Variants in HIVEP3 observed in about 807,000 individuals in gnomAD.
HIVEP3 encodes transcription factor HIVEP3.
In HIVEP3, 49 loss-of-function variants were observed where a neutral mutation model predicts 152.8. That is an observed-to-expected ratio of 0.32 (90% CI 0.26 to 0.41). The LOEUF (loss-of-function observed/expected upper bound fraction) is 0.41. HIVEP3 is among the 10% of genes least tolerant of loss of function. The pLI, the probability that HIVEP3 is intolerant of heterozygous loss-of-function variation, is 1.00. For synonymous variants in HIVEP3, 1,269 were observed against 1,289.0 expected (o/e 0.98, Z 0.33); for missense variants, 2,790 against 3,103.3 (o/e 0.90, Z 2.40).
chr1:41,537,932 G>A (rs1643438263), intron 5 of HIVEP3, among the ~76,000 whole-genome samples: 1 of 152,224 alleles, frequency 6.6e-6, no homozygotes, highest in Admixed American at 6.5e-5. Context: ...TTACTCAACA[G>A]TATTTCCTAA....
intron 1 of HIVEP3, among the ~76,000 whole-genome samples, chr1:41,790,183 G>A (rs568116746): frequency 2.0e-5 from 3 of 152,164 alleles, no homozygotes; most frequent in Non-Finnish European, 4.4e-5. Flanking sequence ...CCTAGTGGGA[G>A]GTGTTTGGAT....
chr1:42,027,879 C>T (rs1645591509), intron 1 of HIVEP3, among the ~76,000 whole-genome samples: 1 of 152,154 alleles, frequency 6.6e-6, no homozygotes, highest in African/African-American at 2.4e-5. Context: ...AGACTGGCCC[C>T]CATGATTCGA....
chr1:42,021,525 C>A (rs1046602780), intron 1 of HIVEP3, among the ~76,000 whole-genome samples: 1 of 152,004 alleles, frequency 6.6e-6, no homozygotes, highest in African/African-American at 2.4e-5. Flanking sequence ...CACTTCAGAT[C>A]CGTTTATACA....
At chr1:41,910,868 T>G (rs1233727172) in intron 1 of HIVEP3, among the ~76,000 whole-genome samples, 1 of 151,894 alleles carries the variant, frequency 6.6e-6, no homozygotes, top group Non-Finnish European at 1.5e-5. Flanking sequence ...GAATATCAAA[T>G]CCATAAAAAC....
intron 1 of HIVEP3, among the ~76,000 whole-genome samples, chr1:41,960,743 A>G (rs1284130247): frequency 6.6e-6 from 1 of 152,050 alleles, no homozygotes; most frequent in Non-Finnish European, 1.5e-5. Flanking sequence ...TTGCACGCCC[A>G]CAGTGTTTAC....
chr1:41,920,439 T>A (rs1321406069), upstream of HIVEP3, among the ~76,000 whole-genome samples: 5 of 152,142 alleles, frequency 3.3e-5, no homozygotes, highest in Admixed American at 3.3e-4. Flanking sequence ...TCAGTGACAT[T>A]CCTATTTTCC....
intron 1 of HIVEP3, among the ~76,000 whole-genome samples, chr1:41,841,031 G>C (rs1290890872): frequency 6.6e-6 from 1 of 152,146 alleles, no homozygotes; most frequent in African/African-American, 2.4e-5. Context: ...TAAAATGCAG[G>C]AAGGAGCTGA....
intron 1 of HIVEP3, among the ~76,000 whole-genome samples, chr1:42,025,955 C>T (rs1201168078): frequency 6.6e-6 from 1 of 151,812 alleles, no homozygotes; most frequent in African/African-American, 2.4e-5. Flanking sequence ...CCTATAGTCC[C>T]AGCTACCCAG....
At chr1:41,638,838 G>C (rs1280776375) in intron 2 of HIVEP3, among the ~76,000 whole-genome samples, 1 of 152,226 alleles carries the variant, frequency 6.6e-6, no homozygotes, top group South Asian at 2.1e-4. Context: ...CACTGCAGCT[G>C]ACAAAGGGTT....
At chr1:41,776,544 A>C (rs1301330673) in intron 1 of HIVEP3, among the ~76,000 whole-genome samples, 1 of 152,210 alleles carries the variant, frequency 6.6e-6, no homozygotes, top group Admixed American at 6.5e-5. Flanking sequence ...GTCCTTATGC[A>C]GGTGAAGATG....
intron 7 of HIVEP3, among the ~76,000 whole-genome samples, chr1:41,516,962 T>C (rs1278070314): frequency 6.6e-6 from 1 of 152,202 alleles, no homozygotes; most frequent in Non-Finnish European, 1.5e-5. Context: ...CTTGCCCAGC[T>C]CCCCTGCCAT....
At chr1:41,686,291 CTCGAAT>C (rs1487004358) in intron 2 of HIVEP3, among the ~76,000 whole-genome samples, 1 of 152,140 alleles carries the variant, frequency 6.6e-6, no homozygotes, top group African/African-American at 2.4e-5. Flanking sequence ...CCAGGCTGGT[CTCGAAT>C]TCCTGGGCTC....
intron 2 of HIVEP3, among the ~76,000 whole-genome samples, chr1:41,656,268 G>C (rs984008325): frequency 6.6e-6 from 1 of 152,160 alleles, no homozygotes; most frequent in African/African-American, 2.4e-5. Flanking sequence ...CTCAGCACTT[G>C]CACATCAAAG....
chr1:41,886,530 T>A (rs1414402134), intron 1 of HIVEP3, among the ~76,000 whole-genome samples: 1 of 151,824 alleles, frequency 6.6e-6, no homozygotes, highest in Non-Finnish European at 1.5e-5. Flanking sequence ...CTGACCAACA[T>A]GGAGAAACCC....
chr1:41,685,648 T>C (rs1224354351), intron 2 of HIVEP3, among the ~76,000 whole-genome samples: 1 of 152,252 alleles, frequency 6.6e-6, no homozygotes, highest in East Asian at 1.9e-4. Flanking sequence ...GCACTTACTA[T>C]ATCACAAACC....
chr1:41,649,678 C>T (rs2124009248), intron 2 of HIVEP3, among the ~76,000 whole-genome samples: 1 of 152,290 alleles, frequency 6.6e-6, no homozygotes, highest in East Asian at 1.9e-4. Context: ...AGAGACCTGG[C>T]TGGAGGGTCA....
chr1:41,528,099 C>T (rs1470149917), intron 5 of HIVEP3, among the ~76,000 whole-genome samples: 1 of 132,224 alleles, frequency 7.6e-6, no homozygotes, highest in Non-Finnish European at 1.6e-5. Flanking sequence ...CCTTCACACT[C>T]ACACCCCACC....
At chr1:41,854,256 CA>C (rs1225041006) in intron 1 of HIVEP3, among the ~76,000 whole-genome samples, 4 of 152,176 alleles carry the variant, frequency 2.6e-5, no homozygotes, top group Non-Finnish European at 5.9e-5. Flanking sequence ...CAGGGCCACC[CA>C]GCAGGCGCTG....
intron 2 of HIVEP3, among the ~76,000 whole-genome samples, chr1:41,671,414 G>A (rs1351750974): frequency 3.9e-5 from 6 of 152,320 alleles, no homozygotes; most frequent in African/African-American, 7.2e-5. Context: ...TGGAATTGCC[G>A]GAGAAACGAA....
Sources: gnomAD v4.1 joint callset for allele counts (sites outside exome capture counted in the v4.1 genomes callset) on GRCh38, gnomAD v4.1.1 for gene constraint, MANE v1.5 for transcripts, NCBI Gene and HGNC (gene_info 2026-07-23, HGNC 2026-07-21) for gene names.